ZFP14: variants seen among roughly 807,000 people sequenced by gnomAD.
The protein encoded by ZFP14 is ZFP14 zinc finger protein, also known as zinc finger protein 14 homolog.
Under a neutral mutation model 54.5 loss-of-function variants are expected in ZFP14, and 22 were observed. That is an observed-to-expected ratio of 0.40 (90% CI 0.29 to 0.58). ZFP14 has a LOEUF of 0.58. Ranked by LOEUF, ZFP14 falls within the 20% of genes least tolerant of loss-of-function variation. The probability of loss-of-function intolerance (pLI) is 0.39; values close to 1 mark genes in which losing one functional copy is unlikely to be tolerated. For synonymous variants in ZFP14, 159 were observed against 204.0 expected, an observed-to-expected ratio of 0.78 and a Z score of 1.88; for missense variants, 470 against 637.8, an observed-to-expected ratio of 0.74 and a Z score of 2.83.
At chr19:36,365,107 C>G (rs775248633) in intron 2 of ZFP14, among the ~76,000 whole-genome samples, 7 of 139,860 alleles carry the variant, frequency 5.0e-5, no homozygotes, top group Non-Finnish European at 9.1e-5. Context: ...CATTGAATTC[C>G]TGGCCTCAAG....
At position 36,367,742 on chromosome 19, in the gene ZFP14, G is replaced by A. The variant is rs55735225; in HGVS notation, c.9+142C>T. The A allele has an allele frequency of 1.3e-3, 1,168 of 925,946 alleles. 9 individuals carry two copies. In the African/African-American group the frequency reaches 0.018, roughly 14 times the overall value. 57.4% of individuals were successfully genotyped at this position (925,946 alleles called of 1,614,324 possible). On this transcript the variant is annotated intron_variant, in intron 2 of 4. Transcript: ENST00000270001. ...GCCTCCCAAAGTGCTGGGATTACAG[G>A]CGTGAGCCATTGCGTCCAGCCATGG...
intron 4 of ZFP14, among the ~76,000 whole-genome samples, chr19:36,342,632 CTG>C (rs2031342042): frequency 6.6e-6 from 1 of 152,120 alleles, no homozygotes; most frequent in Non-Finnish European, 1.5e-5. Context: ...TCCTGAGACA[CTG>C]TACATGAAAA....
intron 2 of ZFP14, among the ~76,000 whole-genome samples, chr19:36,362,532 G>A (rs566764715): frequency 3.3e-5 from 5 of 152,160 alleles, no homozygotes; most frequent in East Asian, 3.9e-4. Context: ...AATAGTGCAC[G>A]CAAGCCTTTT....
chr19:36,358,056 CT>C (rs2031646952), intron 4 of ZFP14, among the ~76,000 whole-genome samples: 1 of 144,704 alleles, frequency 6.9e-6, no homozygotes, highest in Non-Finnish European at 1.5e-5. Context: ...ATCTATCTAT[CT>C]ATCTATCTAT....
At chr19:36,348,590 G>C (rs576201501) in intron 4 of ZFP14, among the ~76,000 whole-genome samples, 2 of 152,212 alleles carry the variant, frequency 1.3e-5, no homozygotes, top group Admixed American at 1.3e-4. Flanking sequence ...TCCGCCTCCT[G>C]GATTCAAGCG....
In ZFP14 at chr19:36,349,247, A is replaced by C. The variant is rs1464010776; in HGVS notation, c.236-7657T>G. Among the ~76,000 whole-genome samples the C allele has an allele frequency of 4.7e-4, 31 of 66,122 alleles. 1 individual carries two copies. The highest frequency in any genetic ancestry group is 1.6e-3 in the South Asian group (4 of 2,516). 43.4% of individuals were successfully genotyped at this position (66,122 alleles called of 152,430 possible). On this transcript the variant is annotated intron_variant, in intron 4 of 4. Coordinates refer to ENST00000270001, the MANE Select transcript of ZFP14 (RefSeq NM_020917.3). Reference sequence around the variant, plus strand: ...ACTCTGTCTCAAAAAAAAAAACAAAAAAAAAAAAACAAAAAAAAAAAAACA... The same window carrying C: ...ACTCTGTCTCAAAAAAAAAAACAAACAAAAAAAAACAAAAAAAAAAAAACA...
At chr19:36,359,977 A>G (rs1413318272) in intron 4 of ZFP14, 1 of 152,352 alleles carries the variant, frequency 6.6e-6, no homozygotes, top group East Asian at 1.9e-4. Context: ...TTTAACGGCT[A>G]TAGGATCTAA....
chr19:36,364,737 C>T (rs1418754200), intron 2 of ZFP14, among the ~76,000 whole-genome samples: 1 of 152,126 alleles, frequency 6.6e-6, no homozygotes, highest in Non-Finnish European at 1.5e-5. Context: ...ATCCTATATA[C>T]TTGAAAAACT....
rs1421872270 is a variant in ZFP14, at chr19:36,349,901, C to T, written c.236-8311G>A. ...GCGTGGTGGCTCACACCTGTAATCC[C>T]AACACTTTAGGAGGCCAAGGCGGGC... On this transcript the variant is annotated intron_variant, in intron 4 of 4. Coordinates refer to ENST00000270001, the MANE Select transcript of ZFP14 (RefSeq NM_020917.3). Among the ~76,000 whole-genome samples, 127 of 100,514 alleles carry T rather than the reference C, an allele frequency of 1.3e-3. 2 individuals are homozygous for T. Among genetic ancestry groups the T allele is most frequent in the Middle Eastern group, 5.0e-3 (1 of 200 alleles). 65.9% of individuals were successfully genotyped at this position (100,514 alleles called of 152,430 possible).
chr19:36,367,838 C>A, intron 2 of ZFP14, 46 bp downstream of exon 2: 1 of 1,595,554 alleles, frequency 6.3e-7, no homozygotes, highest in South Asian at 1.1e-5. Context: ...ATACATGATA[C>A]AGAAATTGAC....
At chr19:36,358,117 A>G (rs935001235) in intron 4 of ZFP14, among the ~76,000 whole-genome samples, 5 of 138,716 alleles carry the variant, frequency 3.6e-5, no homozygotes, top group Non-Finnish European at 6.3e-5. Context: ...CTATCTATCT[A>G]TTTTATTTTT....
chr19:36,359,406 A>G (rs190025893), intron 4 of ZFP14, among the ~76,000 whole-genome samples: 1 of 152,296 alleles, frequency 6.6e-6, no homozygotes, highest in East Asian at 1.9e-4. Flanking sequence ...TTTGTATAAT[A>G]CTGCTGCTAT....
intron 2 of ZFP14, 129 bp downstream of exon 2, chr19:36,367,755 C>CGCAA (rs2031817292): frequency 9.1e-7 from 1 of 1,095,510 alleles, no homozygotes; most frequent in Non-Finnish European, 1.3e-6. Flanking sequence ...TGAGCCATTG[C>CGCAA]GTCCAGCCAT....
intron 4 of ZFP14, among the ~76,000 whole-genome samples, chr19:36,344,873 G>A (rs1158665172): frequency 6.6e-6 from 1 of 152,172 alleles, no homozygotes; most frequent in Non-Finnish European, 1.5e-5. Context: ...GGTCCCTGGT[G>A]TCAAAAAGGT....
chr19:36,373,877 A>G (rs1329457839), intron 1 of ZFP14, among the ~76,000 whole-genome samples: 1 of 142,258 alleles, frequency 7.0e-6, no homozygotes, highest in Non-Finnish European at 1.5e-5. Context: ...ATGCCACTGC[A>G]CTCAAGCCTG....
intron 1 of ZFP14, among the ~76,000 whole-genome samples, chr19:36,373,444 C>T (rs755736085): frequency 2.6e-5 from 4 of 151,846 alleles, no homozygotes; most frequent in Non-Finnish European, 4.4e-5. Context: ...ATTTCAGTTA[C>T]ATAGGAGGAA....
At chr19:36,343,829 T>C (rs547658638) in intron 4 of ZFP14, among the ~76,000 whole-genome samples, 3 of 152,116 alleles carry the variant, frequency 2.0e-5, no homozygotes, top group African/African-American at 7.2e-5. Context: ...CAGGTGTCTC[T>C]TTTGCTTCTT....
intron 4 of ZFP14, among the ~76,000 whole-genome samples, chr19:36,357,754 T>G (rs1568469748): frequency 6.6e-6 from 1 of 151,842 alleles, no homozygotes; most frequent in African/African-American, 2.4e-5. Flanking sequence ...TTTTGTTTTT[T>G]TTTTTGAGAT....
Position 36,341,730 on chromosome 19 carries a change from A to C in ZFP14, c.236-140T>G. The C allele has an allele frequency of 2.7e-6, 2 of 731,328 alleles. No individual in the cohort carries two copies. The highest frequency in any genetic ancestry group is 4.1e-6 in the Non-Finnish European group (2 of 491,984). The allele number at this position is 731,328 out of a possible 1,614,324, so 45.3% of individuals were successfully genotyped here. A position where few individuals can be genotyped will look rare whatever the true frequency, so the allele number is the denominator to read the frequency against. Reference sequence around the variant, plus strand: ...AAATTGAATGGATTAGACAGATCTCAAACATAGACATTTCTGCCACAATCT... The same window carrying C: ...AAATTGAATGGATTAGACAGATCTCCAACATAGACATTTCTGCCACAATCT... On this transcript the variant is annotated intron_variant, in intron 4 of 4. Coordinates refer to ENST00000270001, the MANE Select transcript of ZFP14 (RefSeq NM_020917.3). The surrounding 1 kb of genome is among the most constrained non-coding windows in gnomAD (Gnocchi z 4.2).
Sources: gnomAD v4.1 joint callset for allele counts (sites outside exome capture counted in the v4.1 genomes callset) on GRCh38, gnomAD v4.1.1 for gene constraint, Gnocchi (gnomAD v3.1) non-coding constraint, MANE v1.5 for transcripts, NCBI Gene and HGNC (gene_info 2026-07-23, HGNC 2026-07-21) for gene names.